RPS6KC1: variants seen among roughly 807,000 people sequenced by gnomAD.
RPS6KC1 encodes the protein inactive ribosomal protein S6 kinase delta-1.
A neutral mutation model predicts 103.8 loss-of-function variants in RPS6KC1; 54 were observed. That is an observed-to-expected ratio of 0.52 (90% CI 0.42 to 0.65). The LOEUF is 0.65. Ranked by LOEUF, RPS6KC1 falls within the 30% of genes least tolerant of loss-of-function variation. The probability of loss-of-function intolerance (pLI) is 0.00; values close to 1 mark genes in which losing one functional copy is unlikely to be tolerated. For missense variants in RPS6KC1, 1,151 were observed against 1,253.8 expected, an observed-to-expected ratio of 0.92 and a Z score of 1.24; for synonymous variants, 439 against 438.7, an observed-to-expected ratio of 1.00 and a Z score of -0.01.
the RPS6KC1 span, among the ~76,000 whole-genome samples, chr1:213,734,331 G>T: frequency 3.3e-5 from 5 of 152,322 alleles, no homozygotes; most frequent in African/African-American, 2.4e-5. Context: ...TTAGCCAATT[G>T]TTCATTCAAG....
At chr1:213,431,534 C>T in the RPS6KC1 span, among the ~76,000 whole-genome samples, 155 of 152,094 alleles carry the variant, frequency 1.0e-3, no homozygotes, top group African/African-American at 3.6e-3. Flanking sequence ...AGTATATATT[C>T]TTTTAGGTCT....
the RPS6KC1 span, among the ~76,000 whole-genome samples, chr1:213,290,065 G>T: frequency 1.2e-4 from 18 of 144,778 alleles, no homozygotes; most frequent in African/African-American, 4.7e-4. Context: ...GAATGGTGTG[G>T]ACCTGGGAGG....
the RPS6KC1 span, among the ~76,000 whole-genome samples, chr1:213,446,247 A>T: frequency 1.3e-5 from 2 of 152,196 alleles, no homozygotes; most frequent in East Asian, 3.9e-4. Context: ...GCTTTCGTAC[A>T]TCCAGGCAAG....
chr1:213,104,743 CTT>C (rs1340531256), intron 4 of RPS6KC1, among the ~76,000 whole-genome samples, 174 bp downstream of exon 4: 34 of 134,198 alleles, frequency 2.5e-4, no homozygotes, highest in Non-Finnish European at 2.3e-4. Context: ...GAAATTTATG[CTT>C]TTTTTTTTTT....
chr1:213,308,183 G>A, the RPS6KC1 span, among the ~76,000 whole-genome samples: 1 of 151,754 alleles, frequency 6.6e-6, no homozygotes, highest in Non-Finnish European at 1.5e-5. Flanking sequence ...ATGTGGTGGT[G>A]GGCACCTGTA....
At chr1:213,397,962 G>T in the RPS6KC1 span, among the ~76,000 whole-genome samples, 2 of 152,104 alleles carry the variant, frequency 1.3e-5, no homozygotes, top group African/African-American at 4.8e-5. Context: ...AGGCTGAAGG[G>T]GACACATGGT....
chr1:213,468,550 T>G, the RPS6KC1 span, among the ~76,000 whole-genome samples: 1 of 152,110 alleles, frequency 6.6e-6, no homozygotes, highest in African/African-American at 2.4e-5. Flanking sequence ...TTTCCTGAAA[T>G]AGAGAGAGAG....
intron 6 of RPS6KC1, among the ~76,000 whole-genome samples, chr1:213,158,716 T>C (rs4951677): frequency 0.73 from 111,006 of 152,020 alleles, 41,369 homozygotes; most frequent in African/African-American, 0.88. Context: ...AAGGCATGTT[T>C]CCTGAGAGTT....
At chr1:213,093,285 A>C (rs1277319939) in intron 3 of RPS6KC1, among the ~76,000 whole-genome samples, 1 of 150,166 alleles carries the variant, frequency 6.7e-6, no homozygotes. Flanking sequence ...ATCTCGGCTC[A>C]CTGAAACCTC....
chr1:213,635,100 T>A, the RPS6KC1 span, among the ~76,000 whole-genome samples: 1 of 151,922 alleles, frequency 6.6e-6, no homozygotes, highest in Non-Finnish European at 1.5e-5. Context: ...AATAGACCAA[T>A]AACAGGCTCT....
chr1:213,104,417 A>ATTCTTCCCT (rs767800687), intron 3 of RPS6KC1, 37 bp from the exon 4 acceptor site: 1 of 1,335,356 alleles, frequency 7.5e-7, no homozygotes, highest in Non-Finnish European at 1.1e-6. Flanking sequence ...GTGTTTGATC[A>ATTCTTCCCT]TTCTTCCCTT....
At chr1:213,410,823 AT>A in the RPS6KC1 span, among the ~76,000 whole-genome samples, 86,497 of 150,488 alleles carry the variant, frequency 0.57, 25,790 homozygotes, top group African/African-American at 0.75. Context: ...AGTGCCAGTG[AT>A]TTTTTTTTTT....
the RPS6KC1 span, among the ~76,000 whole-genome samples, chr1:213,356,559 G>T: frequency 3.3e-5 from 5 of 152,194 alleles, no homozygotes; most frequent in Non-Finnish European, 7.3e-5. Flanking sequence ...GGGAGGCTGA[G>T]GCAGGAGAAT....
the RPS6KC1 span, among the ~76,000 whole-genome samples, chr1:213,706,019 C>G: frequency 6.6e-6 from 1 of 152,200 alleles, no homozygotes; most frequent in East Asian, 1.9e-4. Flanking sequence ...GAAGGGGTCT[C>G]TTTTGGAGTC....
chr1:213,268,072 A>G (rs1377992990), intron 14 of RPS6KC1, among the ~76,000 whole-genome samples: 1 of 151,980 alleles, frequency 6.6e-6, no homozygotes, highest in Non-Finnish European at 1.5e-5. Context: ...GCATCCAAGA[A>G]ACTCAACAGA....
At chr1:213,798,282 G>T in the RPS6KC1 span, among the ~76,000 whole-genome samples, 2 of 152,206 alleles carry the variant, frequency 1.3e-5, no homozygotes, top group Non-Finnish European at 2.9e-5. Context: ...AGAGGAAAAA[G>T]CAATGGAAAA....
chr1:213,052,019 C>CT (rs772650704), intron 1 of RPS6KC1, among the ~76,000 whole-genome samples: 2 of 152,006 alleles, frequency 1.3e-5, no homozygotes, highest in African/African-American at 2.4e-5. Flanking sequence ...TTTGTCAAAC[C>CT]TTTGAGTTTT....
At chr1:213,639,154 A>G in the RPS6KC1 span, among the ~76,000 whole-genome samples, 1 of 152,072 alleles carries the variant, frequency 6.6e-6, no homozygotes, top group Non-Finnish European at 1.5e-5. Flanking sequence ...GTATGTTGTT[A>G]CTATATAGAA....
chr1:213,481,525 G>A, the RPS6KC1 span, among the ~76,000 whole-genome samples: 1 of 152,046 alleles, frequency 6.6e-6, no homozygotes, highest in Non-Finnish European at 1.5e-5. Context: ...AATATGTTGG[G>A]TGTTCTTTAT....
Sources: allele counts gnomAD v4.1 joint callset (sites outside exome capture counted in the v4.1 genomes callset), GRCh38; gene constraint gnomAD v4.1.1; transcripts MANE v1.5; gene names NCBI Gene and HGNC (gene_info 2026-07-23, HGNC 2026-07-21).